The following MTRES1 variants were observed in gnomAD, a reference collection of about 807,000 sequenced individuals.
The protein encoded by MTRES1 is uncharacterized protein C6orf203.
Under a neutral mutation model 17.4 loss-of-function variants are expected in MTRES1, and 11 were observed. The ratio of observed to expected loss-of-function variants is 0.63; its 90% CI spans 0.40 to 1.05. The LOEUF is 1.05. Among genes scored for constraint, MTRES1 ranks in the 50% least tolerant of loss-of-function variants. The probability of loss-of-function intolerance (pLI) is 0.00; values close to 1 mark genes in which losing one functional copy is unlikely to be tolerated. For synonymous variants in MTRES1, 94 were observed against 99.6 expected, an observed-to-expected ratio of 0.94 and a Z score of 0.34; for missense variants, 268 against 276.2, an observed-to-expected ratio of 0.97 and a Z score of 0.21.
At chr6:107,034,879 A>G (rs1554226792) in intron 1 of MTRES1, among the ~76,000 whole-genome samples, 1 of 151,784 alleles carries the variant, frequency 6.6e-6, no homozygotes, top group African/African-American at 2.4e-5. Context: ...CCCAGCTACT[A>G]GGGAGGCTGA....
Position 107,040,241 on chromosome 6 carries a change from T to C in MTRES1, c.470+11T>C. On this transcript the variant is annotated intron_variant, in intron 2 of 3. Transcript: ENST00000311381. Reference sequence around the variant, plus strand: ...AGATATTGGGAGAAAGTGAGTATGATACGCATTTCATTATAAACTCGCTCG... The same window carrying C: ...AGATATTGGGAGAAAGTGAGTATGACACGCATTTCATTATAAACTCGCTCG... 6.4e-7 allele frequency: 1 copy of C among 1,567,450 alleles called. No individual in the cohort carries two copies. Among genetic ancestry groups the C allele is most frequent in the Non-Finnish European group, 8.6e-7 (1 of 1,162,690 alleles).
intron 1 of MTRES1, among the ~76,000 whole-genome samples, chr6:107,036,835 G>A (rs149162386): frequency 0.092 from 12,508 of 136,090 alleles, 1,034 homozygotes; most frequent in East Asian, 0.35. Context: ...GGGCGACAGA[G>A]TGAGACTCCG....
In MTRES1 at chr6:107,051,062, A is replaced by G. The variant is rs1554229151; in HGVS notation, c.549A>G (p.Lys183=). 6.2e-7 allele frequency: 1 copy of G among 1,606,308 alleles called. No homozygotes were observed. Among genetic ancestry groups the G allele is most frequent in the East Asian group, 2.2e-5 (1 of 44,806 alleles). Residue 183 remains lysine, a synonymous_variant, in exon 4 of 4, where the codon AAA becomes AAG. Transcript: ENST00000311381. ...TGTTTTCTTTTAATTTTCAGGTGAAAGTGGGAGATACATTGGATCTTCTCA... is the reference window on the plus strand; with the variant it reads ...TGTTTTCTTTTAATTTTCAGGTGAAGGTGGGAGATACATTGGATCTTCTCA... ...EKLWKKSRTV[K]VGDTLDLLIG... is the part of the protein sequence containing the mutation.
chr6:107,028,282 C>G lies in MTRES1; in HGVS notation c.-13+11C>G, dbSNP rs998493224. 1 of 152,238 alleles carries G rather than the reference C, an allele frequency of 6.6e-6. No homozygotes were observed. The allele number at this position is 152,238 out of a possible 1,614,324, so 9.4% of individuals were successfully genotyped here. ...GGGCCTGACGTACAGGTGAGTGCGC[C>G]TCTGCTGGCGCGCCGCGCCGGGCCC... On this transcript the variant is annotated intron_variant, in intron 1 of 3. Transcript: ENST00000311381.
rs1774596353 is a variant in MTRES1, at chr6:107,051,224, A to G, written c.711A>G (p.Arg237=). Reference sequence around the variant, plus strand: ...AAAGTTTAAAGTTGCCTAAGAAGAGAATGTCTAAATAAATGGATTGCTTTT... The same window carrying G: ...AAAGTTTAAAGTTGCCTAAGAAGAGGATGTCTAAATAAATGGATTGCTTTT... The part of the protein sequence containing the change: ...RWKSLKLPKK[R]MSK The change falls in exon 4 of 4, where the codon AGA becomes AGG. Residue 237 remains arginine (R), a synonymous_variant. Transcript: ENST00000311381. 6.2e-7 allele frequency: 1 copy of G among 1,612,774 alleles called. No homozygotes were observed. Among genetic ancestry groups the G allele is most frequent in the Non-Finnish European group, 8.5e-7 (1 of 1,179,492 alleles).
chr6:107,046,930 T>TTTTGTGTGTGTGTGTGTGTG (rs1367322880), intron 3 of MTRES1, among the ~76,000 whole-genome samples: 1 of 33,018 alleles, frequency 3.0e-5, no homozygotes, highest in African/African-American at 6.7e-5. Flanking sequence ...GGATTCATTC[T>TTTTGTGTGTGTGTGTGTGTG]TGTGTGTGTG....
At chr6:107,036,506 C>T (rs1264842989) in intron 1 of MTRES1, among the ~76,000 whole-genome samples, 2 of 151,988 alleles carry the variant, frequency 1.3e-5, no homozygotes, top group Admixed American at 1.3e-4. Flanking sequence ...AGCCGTTTCA[C>T]TCCAGCCTGG....
Position 107,040,106 on chromosome 6 carries a change from A to G in MTRES1, c.346A>G (p.Ser116Gly). The change falls in exon 2 of 4, where the codon AGT becomes GGT. Residue 116 changes from serine (S) to glycine (G), a missense_variant. Ser to Gly is a moderately conservative substitution (Grantham distance 56). Transcript: ENST00000311381. Reference sequence around the variant, plus strand: ...TGAAGAAAGCCATCATGATGAGATGAGTGAGCAGGAAGAGGAGCTTGAGGA... The same window carrying G: ...TGAAGAAAGCCATCATGATGAGATGGGTGAGCAGGAAGAGGAGCTTGAGGA... The part of the protein sequence containing the change: ...SDEESHHDEM[S>G]EQEEELEDDP... 1.2e-6 allele frequency: 2 copies of G among 1,613,860 alleles called. No individual in the cohort carries two copies. Among genetic ancestry groups the G allele is most frequent in the Non-Finnish European group, 1.7e-6 (2 of 1,180,014 alleles).
intron 1 of MTRES1, among the ~76,000 whole-genome samples, chr6:107,038,842 G>T (rs1397968832): frequency 6.6e-6 from 1 of 152,300 alleles, no homozygotes; most frequent in East Asian, 1.9e-4. Flanking sequence ...ATCACCTGAG[G>T]TTGGGAGTTC....
At chr6:107,029,087 G>A (rs1233100568) in intron 1 of MTRES1, among the ~76,000 whole-genome samples, 1 of 152,074 alleles carries the variant, frequency 6.6e-6, no homozygotes, top group Admixed American at 6.5e-5. Context: ...GTGCAATGGC[G>A]GGATCTCGGC....
chr6:107,044,251 G>A lies in MTRES1; in HGVS notation c.471-9G>A. On this transcript the variant is annotated splice_polypyrimidine_tract_variant and intron_variant, in intron 2 of 3. Coordinates refer to ENST00000311381, the MANE Select transcript of MTRES1 (RefSeq NM_016487.5). The stretch of plus-strand genomic sequence containing the variant: ...ATTGTGTACATTGTTGCTTTTTTTT[G>A]TTTTGTAGCAAAGTGGAAGATGCTT... 3.1e-6 allele frequency: 5 copies of A among 1,607,904 alleles called. No homozygotes were observed. The highest frequency in any genetic ancestry group is 4.2e-6 in the Non-Finnish European group (5 of 1,177,450).
At chr6:107,041,915 G>T (rs1355279481) in intron 2 of MTRES1, among the ~76,000 whole-genome samples, 2 of 152,164 alleles carry the variant, frequency 1.3e-5, no homozygotes, top group African/African-American at 4.8e-5. Flanking sequence ...CCTTAGGAAT[G>T]ATTGCATGCA....
chr6:107,036,319 A>G (rs1554226930), intron 1 of MTRES1, among the ~76,000 whole-genome samples: 3 of 152,038 alleles, frequency 2.0e-5, no homozygotes, highest in Non-Finnish European at 1.5e-5. Context: ...TGAGGCGGAC[A>G]GATCACCTGA....
intron 3 of MTRES1, among the ~76,000 whole-genome samples, chr6:107,045,416 G>A (rs556463559): frequency 1.6e-4 from 24 of 151,680 alleles, no homozygotes; most frequent in African/African-American, 4.8e-4. Context: ...CCTGGGAGGC[G>A]GAGCTTGCAG....
intron 1 of MTRES1, among the ~76,000 whole-genome samples, chr6:107,037,141 A>G (rs1554227034): frequency 6.6e-6 from 1 of 152,108 alleles, no homozygotes. Flanking sequence ...CAGCCTGGGA[A>G]ATGCTGAAAT....
At chr6:107,048,500 G>T (rs1198079688) in intron 3 of MTRES1, among the ~76,000 whole-genome samples, 1 of 151,588 alleles carries the variant, frequency 6.6e-6, no homozygotes, top group African/African-American at 2.4e-5. Flanking sequence ...TTGAACCCAG[G>T]GTTGGGCGCG....
At chr6:107,044,423 C>T (rs1400503094) in intron 3 of MTRES1, 91 bp downstream of exon 3, 2 of 1,000,184 alleles carry the variant, frequency 2.0e-6, no homozygotes, top group South Asian at 1.4e-5. Context: ...TTCCCTCTGG[C>T]TCCTCTTCTT....
At chr6:107,041,807 G>A (rs374066923) in intron 2 of MTRES1, among the ~76,000 whole-genome samples, 4 of 152,012 alleles carry the variant, frequency 2.6e-5, no homozygotes, top group African/African-American at 9.7e-5. Flanking sequence ...GATTACAGGC[G>A]TGAGCCACCG....
chr6:107,034,352 C>T (rs1773937084), intron 1 of MTRES1, among the ~76,000 whole-genome samples: 2 of 152,128 alleles, frequency 1.3e-5, no homozygotes, highest in Admixed American at 1.3e-4. Context: ...CTAGGTGTCT[C>T]CTCTTAGGAT....
Sources: gnomAD v4.1 joint callset for allele counts (sites outside exome capture counted in the v4.1 genomes callset) on GRCh38, gnomAD v4.1.1 for gene constraint, MANE v1.5 for transcripts, NCBI Gene and HGNC (gene_info 2026-07-23, HGNC 2026-07-21) for gene names.